PRPF39: variants seen among roughly 807,000 people sequenced by gnomAD.
PRPF39 encodes pre-mRNA processing factor 39.
A neutral mutation model predicts 82.1 loss-of-function variants in PRPF39; 27 were observed. The observed-to-expected ratio is 0.33, with a 90% CI of 0.24 to 0.45. The LOEUF (loss-of-function observed/expected upper bound fraction) is 0.45. Ranked by LOEUF, PRPF39 falls within the 20% of genes least tolerant of loss-of-function variation. PRPF39 has a pLI of 1.00. For missense variants in PRPF39, 581 were observed against 796.9 expected, an observed-to-expected ratio of 0.73 and a Z score of 3.26; for synonymous variants, 261 against 256.4, an observed-to-expected ratio of 1.02 and a Z score of -0.17.
chr14:45,108,565 G>A (rs1041876304), intron 7 of PRPF39, 43 bp downstream of exon 7: 2 of 1,548,478 alleles, frequency 1.3e-6, no homozygotes, highest in Non-Finnish European at 1.7e-6. Flanking sequence ...ATACAAAGTA[G>A]GAATAATTTA....
At chr14:45,101,586 C>T (rs1332568467) in intron 4 of PRPF39, among the ~76,000 whole-genome samples, 1 of 152,026 alleles carries the variant, frequency 6.6e-6, no homozygotes, top group African/African-American at 2.4e-5. Flanking sequence ...ATGCCTCAGA[C>T]TCCCGAGTAG....
intron 1 of PRPF39, among the ~76,000 whole-genome samples, chr14:45,086,458 T>C (rs1168380900): frequency 6.6e-6 from 1 of 152,212 alleles, no homozygotes; most frequent in African/African-American, 2.4e-5. Context: ...CATATGATTT[T>C]ATAATAAAGT....
At chr14:45,114,726 G>C in intron 13 of PRPF39, 112 bp downstream of exon 13, 1 of 1,402,278 alleles carries the variant, frequency 7.1e-7, no homozygotes, top group Non-Finnish European at 9.8e-7. Context: ...ACATTCTTTG[G>C]TGGTTAAGTA....
intron 2 of PRPF39, 134 bp downstream of exon 2, chr14:45,095,697 G>T: frequency 8.4e-7 from 1 of 1,191,762 alleles, no homozygotes; most frequent in Non-Finnish European, 1.1e-6. Context: ...ACATTAGGTA[G>T]CTACATTTTT....
chr14:45,097,816 C>CA (rs1464669701), intron 4 of PRPF39, among the ~76,000 whole-genome samples: 1 of 151,248 alleles, frequency 6.6e-6, no homozygotes, highest in South Asian at 2.1e-4. Context: ...TTTTGGTTTT[C>CA]AAAAAAAAGC....
At chr14:45,090,340 A>G (rs915428384) in intron 1 of PRPF39, among the ~76,000 whole-genome samples, 5 of 152,182 alleles carry the variant, frequency 3.3e-5, no homozygotes, top group African/African-American at 1.2e-4. Context: ...GTAGTCTACT[A>G]CTTTGGACTC....
intron 1 of PRPF39, among the ~76,000 whole-genome samples, chr14:45,086,190 C>T (rs1883823410): frequency 6.6e-6 from 1 of 152,134 alleles, no homozygotes; most frequent in African/African-American, 2.4e-5. Flanking sequence ...ATCTGCCTGC[C>T]TCGGCCTCCC....
Position 45,115,475 on chromosome 14 carries a change from CAT to C in PRPF39, c.*565_*566del, listed in dbSNP as rs879299205. ...TTTGCATCCCTTTAAAAATGAAAATCATATCAAAAGTATGTTGTTTCAGGAGA... is the reference window on the plus strand; with the variant it reads ...TTTGCATCCCTTTAAAAATGAAAATCATCAAAAGTATGTTGTTTCAGGAGA... On this transcript the variant is annotated 3_prime_UTR_variant, in exon 14 of 14. Transcript: ENST00000355765. The C allele has an allele frequency of 6.6e-6, 1 of 152,410 alleles. No individual in the cohort carries two copies. Among genetic ancestry groups the C allele is most frequent in the Non-Finnish European group, 1.5e-5 (1 of 67,972 alleles). The allele number at this position is 152,410 out of a possible 1,614,324, so 9.4% of individuals were successfully genotyped here.
Position 45,115,983 on chromosome 14 carries a change from T to G in PRPF39, c.*1070T>G. On this transcript the variant is annotated 3_prime_UTR_variant, in exon 14 of 14. Coordinates refer to ENST00000355765, the MANE Select transcript of PRPF39 (RefSeq NM_017922.4). ...GGAAAAAGTTCTCCTTGACCAGTAT[T>G]TTACACAGCTGTAGGAAAGTATTTT... 1 of 503,950 alleles carries G rather than the reference T, an allele frequency of 2.0e-6. No individual in the cohort carries two copies. The highest frequency in any genetic ancestry group is 3.6e-6 in the Non-Finnish European group (1 of 277,272). 31.2% of individuals were successfully genotyped at this position (503,950 alleles called of 1,614,324 possible).
intron 2 of PRPF39, chr14:45,095,837 T>G (rs74244132): frequency 0.074 from 35,280 of 474,148 alleles, 1,872 homozygotes; most frequent in African/African-American, 0.18. Flanking sequence ...CAAAATTAGT[T>G]CCTTCTGTTT....
intron 11 of PRPF39, 122 bp downstream of exon 11, chr14:45,112,624 T>C: frequency 9.8e-7 from 1 of 1,023,952 alleles, no homozygotes; most frequent in Non-Finnish European, 1.3e-6. Flanking sequence ...CTTAGTTTAC[T>C]TTTTCCTCAG....
chr14:45,107,386 A>G, intron 5 of PRPF39, 65 bp from the exon 6 acceptor site: 1 of 1,209,444 alleles, frequency 8.3e-7, no homozygotes, highest in Non-Finnish European at 1.2e-6. Flanking sequence ...AGTATATAGT[A>G]GGAATCTCAA....
intron 1 of PRPF39, among the ~76,000 whole-genome samples, chr14:45,092,787 G>A (rs899163766): frequency 6.6e-6 from 1 of 151,974 alleles, no homozygotes; most frequent in African/African-American, 2.4e-5. Flanking sequence ...ATTGTAGTCG[G>A]TAAGGAATCT....
intron 1 of PRPF39, 88 bp downstream of exon 1, chr14:45,084,337 C>G (rs991799165): frequency 1.1e-4 from 17 of 152,844 alleles, no homozygotes; most frequent in African/African-American, 3.6e-4. Context: ...AGGCCGCGCT[C>G]TGGCCGCGGC....
At chr14:45,100,842 G>A (rs1377383610) in intron 4 of PRPF39, among the ~76,000 whole-genome samples, 2 of 151,988 alleles carry the variant, frequency 1.3e-5, no homozygotes, top group African/African-American at 4.8e-5. Flanking sequence ...AATTCTTACT[G>A]GTTCCTGAGT....
In PRPF39 at chr14:45,109,868, T is replaced by A; in HGVS notation, c.1176+88T>A. The A allele has an allele frequency of 2.0e-6, 3 of 1,520,698 alleles. No individual in the cohort carries two copies. In the South Asian group the frequency reaches 3.8e-5, roughly 19 times the overall value. 94.2% of individuals were successfully genotyped at this position (1,520,698 alleles called of 1,614,324 possible). Reference sequence around the variant, plus strand: ...TTTTTGTACTTCTGTTGAATGTTGTTCATATAACTATATCTGTTGCATTAG... The same window carrying A: ...TTTTTGTACTTCTGTTGAATGTTGTACATATAACTATATCTGTTGCATTAG... On this transcript the variant is annotated intron_variant, in intron 8 of 13. Coordinates refer to ENST00000355765, the MANE Select transcript of PRPF39 (RefSeq NM_017922.4).
intron 1 of PRPF39, among the ~76,000 whole-genome samples, chr14:45,085,680 G>T (rs956302585): frequency 6.6e-6 from 1 of 152,080 alleles, no homozygotes; most frequent in Non-Finnish European, 1.5e-5. Context: ...TTAAAAAGTC[G>T]GCGTGTGACT....
Position 45,096,946 on chromosome 14 carries a change from A to C in PRPF39, c.510A>C (p.Ile170=), listed in dbSNP as rs1322367161. 2 of 1,552,926 alleles carry C rather than the reference A, an allele frequency of 1.3e-6. No homozygotes were observed. Among genetic ancestry groups the C allele is most frequent in the Admixed American group, 3.9e-5 (2 of 50,836 alleles). ...PLSVDLWIHY[I]NFLKETLDPG... Reference sequence around the variant, plus strand: ...GTGTTGACCTTTGGATACATTATATAAACTTCTTAAAAGAAACATTGGACC... The same window carrying C: ...GTGTTGACCTTTGGATACATTATATCAACTTCTTAAAAGAAACATTGGACC... The change falls in exon 4 of 14, where the codon ATA becomes ATC. Residue 170 remains isoleucine (I), a synonymous_variant. Coordinates refer to ENST00000355765, the MANE Select transcript of PRPF39 (RefSeq NM_017922.4).
Position 45,115,016 on chromosome 14 carries a change from T to C in PRPF39, c.*103T>C. The C allele has an allele frequency of 1.2e-6, 1 of 852,020 alleles. No individual in the cohort carries two copies. Among genetic ancestry groups the C allele is most frequent in the Admixed American group, 2.5e-5 (1 of 40,282 alleles). The allele number at this position is 852,020 out of a possible 1,614,324, so 52.8% of individuals were successfully genotyped here. A position where few individuals can be genotyped will look rare whatever the true frequency, so the allele number is the denominator to read the frequency against. ...TATAAGCTTGTTGTATTTGATAACC[T>C]GTCTTCCTTGTTTCTGTGTAACATG... On this transcript the variant is annotated 3_prime_UTR_variant, in exon 14 of 14. Coordinates refer to ENST00000355765, the MANE Select transcript of PRPF39 (RefSeq NM_017922.4).
Sources: allele counts gnomAD v4.1 joint callset (sites outside exome capture counted in the v4.1 genomes callset), GRCh38; gene constraint gnomAD v4.1.1; transcripts MANE v1.5; gene names NCBI Gene and HGNC (gene_info 2026-07-23, HGNC 2026-07-21).